Variants in DCDC1 observed in about 807,000 individuals in gnomAD.
The protein encoded by DCDC1 is doublecortin domain containing 1.
Under a neutral mutation model 178.3 loss-of-function variants are expected in DCDC1, and 200 were observed. The observed-to-expected ratio is 1.12, with a 90% CI of 1.00 to 1.26. The LOEUF (loss-of-function observed/expected upper bound fraction) is 1.26. Among genes scored for constraint, DCDC1 ranks in the 50% most tolerant of loss-of-function variants. DCDC1 has a pLI of 0.00. For synonymous variants in DCDC1, 690 were observed against 604.8 expected (o/e 1.14, Z -2.07); for missense variants, 1,983 against 1,749.2 (o/e 1.13, Z -2.38).
chr11:30,893,886 C>T (rs1022934780), intron 35 of DCDC1, among the ~76,000 whole-genome samples: 1 of 152,160 alleles, frequency 6.6e-6, no homozygotes, highest in African/African-American at 2.4e-5. Flanking sequence ...GTATTTTACT[C>T]CTTGCTCTTT....
intron 16 of DCDC1, among the ~76,000 whole-genome samples, chr11:31,093,592 T>G (rs1957947892): frequency 6.6e-6 from 1 of 152,192 alleles, no homozygotes; most frequent in African/African-American, 2.4e-5. Context: ...ACAAAATGTG[T>G]TAGGCACTGC....
chr11:30,881,053 G>A, intron 37 of DCDC1, 105 bp downstream of exon 37: 1 of 1,277,190 alleles, frequency 7.8e-7, no homozygotes, highest in South Asian at 1.5e-5. Flanking sequence ...GCTTGGGAGG[G>A]GATAATTATT....
chr11:31,294,835 AAAGAAAGAAAGAAAG>A lies in DCDC1; in HGVS notation c.755-3998_755-3984del, dbSNP rs530459999. On this transcript the variant is annotated intron_variant, in intron 6 of 38. Transcript: ENST00000684477. ...GAAAGAAAGAAAGAAAGAAAGAAAG[AAAGAAAGAAAGAAAG>A]AAAGAAAGAAAGAAAGAAAAAGAAA... 2.0e-5 allele frequency among the ~76,000 whole-genome samples: 3 copies of A among 150,644 alleles called. No homozygotes were observed. The South Asian group carries it at 6.3e-4, about 32-fold the overall frequency.
At chr11:31,124,382 T>C (rs1175203896) in intron 11 of DCDC1, among the ~76,000 whole-genome samples, 1 of 152,102 alleles carries the variant, frequency 6.6e-6, no homozygotes, top group Non-Finnish European at 1.5e-5. Context: ...GATTCAATTC[T>C]ATTCCCATTA....
chr11:31,086,314 T>C (rs1409658247), intron 17 of DCDC1, among the ~76,000 whole-genome samples: 1 of 152,202 alleles, frequency 6.6e-6, no homozygotes, highest in African/African-American at 2.4e-5. Context: ...TGCTTCATTG[T>C]AGGTTTATTT....
intron 17 of DCDC1, among the ~76,000 whole-genome samples, chr11:31,091,079 T>A (rs771580176): frequency 9.2e-5 from 14 of 152,204 alleles, no homozygotes; most frequent in Admixed American, 3.3e-4. Context: ...AATTTAAGTT[T>A]GTTAATTAAC....
intron 1 of DCDC1, among the ~76,000 whole-genome samples, chr11:31,344,149 T>C (rs543886833): frequency 4.6e-5 from 7 of 152,188 alleles, no homozygotes; most frequent in African/African-American, 1.7e-4. Flanking sequence ...CCCCTGCACA[T>C]TGACAATTAA....
intron 2 of DCDC1, among the ~76,000 whole-genome samples, chr11:31,330,248 GT>G (rs56356514): frequency 0.67 from 102,269 of 151,818 alleles, 35,135 homozygotes; most frequent in African/African-American, 0.79. Flanking sequence ...GATGGGGTTG[GT>G]TTTTTTCTTG....
chr11:31,019,355 A>C (rs2135186940), intron 20 of DCDC1, among the ~76,000 whole-genome samples: 1 of 152,324 alleles, frequency 6.6e-6, no homozygotes, highest in Non-Finnish European at 1.5e-5. Context: ...GTTTGTGGAG[A>C]TAATGGTTCT....
intron 38 of DCDC1, among the ~76,000 whole-genome samples, chr11:30,876,708 A>T (rs1942159710): frequency 1.3e-5 from 2 of 152,202 alleles, no homozygotes; most frequent in Admixed American, 1.3e-4. Flanking sequence ...GGGTGAAATT[A>T]TGCCATTTTC....
At chr11:31,107,510 C>T (rs1443612972) in intron 12 of DCDC1, among the ~76,000 whole-genome samples, 1 of 152,096 alleles carries the variant, frequency 6.6e-6, no homozygotes, top group African/African-American at 2.4e-5. Context: ...TTGTGGACAT[C>T]TTCAATAATG....
chr11:31,063,805 A>G (rs1361954116), intron 20 of DCDC1, among the ~76,000 whole-genome samples: 1 of 152,178 alleles, frequency 6.6e-6, no homozygotes, highest in Non-Finnish European at 1.5e-5. Flanking sequence ...CTCCTTTAAG[A>G]GTATTTCAGT....
At chr11:31,209,232 C>T (rs1244463255) in intron 9 of DCDC1, among the ~76,000 whole-genome samples, 1 of 152,128 alleles carries the variant, frequency 6.6e-6, no homozygotes, top group African/African-American at 2.4e-5. Context: ...CAGAAAGAAA[C>T]AGTAGGAAAA....
intron 36 of DCDC1, among the ~76,000 whole-genome samples, chr11:30,891,851 CAAA>C (rs1943804615): frequency 6.6e-6 from 1 of 152,154 alleles, no homozygotes; most frequent in African/African-American, 2.4e-5. Flanking sequence ...AACTCCCTGT[CAAA>C]GAAGAGTGGT....
In DCDC1 at chr11:31,111,032, C is replaced by T. The variant is rs1426090254; in HGVS notation, c.1486-671G>A. 2.6e-5 allele frequency among the ~76,000 whole-genome samples: 4 copies of T among 152,230 alleles called. No individual in the cohort carries two copies. The East Asian group carries it at 7.7e-4, about 29-fold the overall frequency. The stretch of plus-strand genomic sequence containing the variant: ...GTCAAAAGGATCTGAATAAACCAGT[C>T]CCGACAGGATGGCTTCACTAGAGTG... On this transcript the variant is annotated intron_variant, in intron 11 of 38. Coordinates refer to ENST00000684477, the MANE Select transcript of DCDC1 (RefSeq NM_001387274.1).
intron 11 of DCDC1, among the ~76,000 whole-genome samples, chr11:31,120,216 G>GAACACTATAACTATAACTATAACTAT (rs1243197014): frequency 6.6e-6 from 1 of 152,104 alleles, no homozygotes; most frequent in African/African-American, 2.4e-5. Flanking sequence ...CAATAGAAGA[G>GAACACTATAACTATAACTATAACTAT]AACACTATAA....
At chr11:30,919,476 TG>T (rs1946087715) in intron 25 of DCDC1, among the ~76,000 whole-genome samples, 1 of 152,176 alleles carries the variant, frequency 6.6e-6, no homozygotes, top group African/African-American at 2.4e-5. Context: ...TGACGATCTT[TG>T]CTCTCAAAAA....
rs368782271 is a variant in DCDC1 at position 31,241,536 on chromosome 11, T to C, written c.1135A>G (p.Ser379Gly). The C allele has an allele frequency of 2.7e-4, 108 of 397,690 alleles. 1 individual carries two copies. Among genetic ancestry groups the C allele is most frequent in the African/African-American group, 2.0e-3 (95 of 48,630 alleles). The allele number at this position is 397,690 out of a possible 1,614,324, so 24.6% of individuals were successfully genotyped here. The change falls in exon 9 of 39, where the codon AGC becomes GGC. Residue 379 changes from serine (S) to glycine (G), a missense_variant. Ser to Gly is a moderately conservative substitution (Grantham distance 56). Coordinates refer to ENST00000684477, the MANE Select transcript of DCDC1 (RefSeq NM_001387274.1). ...LLWVSKGEGF[S>G]PSGAKMYIQG... Reference sequence around the variant, plus strand: ...ATGTACATCTTAGCTCCTGAGGGGCTGAAACCTTCTCCCTTAGAGACCCAA... The same window carrying C: ...ATGTACATCTTAGCTCCTGAGGGGCCGAAACCTTCTCCCTTAGAGACCCAA...
intron 36 of DCDC1, among the ~76,000 whole-genome samples, chr11:30,892,504 A>T (rs1440996136): frequency 1.3e-5 from 2 of 152,120 alleles, no homozygotes; most frequent in East Asian, 3.9e-4. Flanking sequence ...ATAATAAGAT[A>T]AAATGGATGA....
Sources: gnomAD v4.1 joint callset for allele counts (sites outside exome capture counted in the v4.1 genomes callset) on GRCh38, gnomAD v4.1.1 for gene constraint, MANE v1.5 for transcripts, NCBI Gene and HGNC (gene_info 2026-07-23, HGNC 2026-07-21) for gene names.